The following DIPK1A variants were observed in gnomAD, a reference collection of about 807,000 sequenced individuals.
DIPK1A encodes the protein family with sequence similarity 69 member A.
Under a neutral mutation model 40.8 loss-of-function variants are expected in DIPK1A, and 27 were observed. That is an observed-to-expected ratio of 0.66 (90% CI 0.49 to 0.91). DIPK1A has a LOEUF of 0.91. DIPK1A is among the 40% of genes least tolerant of loss of function. The pLI is 0.00. For missense variants in DIPK1A, 412 were observed against 505.7 expected, an observed-to-expected ratio of 0.81 and a Z score of 1.78; for synonymous variants, 166 against 171.3, an observed-to-expected ratio of 0.97 and a Z score of 0.24.
downstream of DIPK1A, chr1:92,837,409 A>G: frequency 6.6e-7 from 1 of 1,521,850 alleles, no homozygotes; most frequent in South Asian, 1.1e-5. Flanking sequence ...TTACTAGTAA[A>G]CTAAGTTAAG....
At chr1:92,833,837 A>T (rs80136914) in intron 4 of DIPK1A, 1 of 615,516 alleles carries the variant, frequency 1.6e-6, no homozygotes. Context: ...ACTTTAAAAA[A>T]TGCTCTTGGT....
intron 2 of DIPK1A, among the ~76,000 whole-genome samples, chr1:92,851,552 A>AAAAAAC (rs1687822909): frequency 1.1e-5 from 1 of 94,828 alleles, no homozygotes; most frequent in Non-Finnish European, 2.3e-5. Flanking sequence ...CAAAAAAAAA[A>AAAAAAC]AAAAAAAAAA....
intron 1 of DIPK1A, among the ~76,000 whole-genome samples, chr1:92,953,500 A>C (rs1651723550): frequency 6.6e-6 from 1 of 152,262 alleles, no homozygotes; most frequent in African/African-American, 2.4e-5. Flanking sequence ...AGGTAGAGGC[A>C]ACCTAAATGT....
intron 1 of DIPK1A, among the ~76,000 whole-genome samples, chr1:92,882,763 T>C (rs1250154853): frequency 6.6e-6 from 1 of 152,064 alleles, no homozygotes; most frequent in Non-Finnish European, 1.5e-5. Context: ...TCAACTTCTG[T>C]AAGGAAAAAA....
At chr1:92,849,355 T>G (rs57555498) in intron 3 of DIPK1A, among the ~76,000 whole-genome samples, 35,179 of 150,750 alleles carry the variant, frequency 0.23, 4,375 homozygotes, top group Middle Eastern at 0.28. Flanking sequence ...TTTGTTTTTT[T>G]TTTTTTTTTT....
intron 1 of DIPK1A, among the ~76,000 whole-genome samples, chr1:92,949,584 C>A (rs984273854): frequency 3.9e-5 from 6 of 152,106 alleles, no homozygotes; most frequent in African/African-American, 1.2e-4. Flanking sequence ...GCAATAATTT[C>A]TTTCAGTACT....
downstream of DIPK1A, among the ~76,000 whole-genome samples, chr1:92,839,738 T>A (rs900417145): frequency 6.6e-6 from 1 of 152,228 alleles, no homozygotes. Flanking sequence ...GTATTTAAAA[T>A]GAGAAGCGCA....
At chr1:92,953,497 G>A (rs575322066) in intron 1 of DIPK1A, among the ~76,000 whole-genome samples, 2 of 152,260 alleles carry the variant, frequency 1.3e-5, no homozygotes, top group South Asian at 4.1e-4. Context: ...AAGAGGTAGA[G>A]GCAACCTAAA....
At chr1:92,943,797 A>C (rs574477801) in intron 1 of DIPK1A, among the ~76,000 whole-genome samples, 1 of 152,316 alleles carries the variant, frequency 6.6e-6, no homozygotes, top group African/African-American at 2.4e-5. Context: ...CTAACTTTTA[A>C]AACAGCAGAG....
At chr1:92,903,544 A>G (rs1571110105) in intron 1 of DIPK1A, among the ~76,000 whole-genome samples, 1 of 152,206 alleles carries the variant, frequency 6.6e-6, no homozygotes. Context: ...CCTGTGAGGC[A>G]CTGATAAGAG....
chr1:92,911,487 A>G (rs1006947328), intron 1 of DIPK1A, among the ~76,000 whole-genome samples: 6 of 152,220 alleles, frequency 3.9e-5, no homozygotes, highest in African/African-American at 1.2e-4. Context: ...AGACTAAGAC[A>G]TTACATGTAT....
At position 92,913,393 on chromosome 1, in the gene DIPK1A, A is replaced by G. The variant is rs1307806562; in HGVS notation, c.55-36963T>C. Among the ~76,000 whole-genome samples, 4 of 152,156 alleles carry G rather than the reference A, an allele frequency of 2.6e-5. No homozygotes were observed. In the East Asian group the frequency reaches 5.8e-4, roughly 22 times the overall value. ...ATGATGTGAAAAAAAAAAGGGGAAAATACTGGTCTATTCATTTGTGTACCT... is the reference window on the plus strand; with the variant it reads ...ATGATGTGAAAAAAAAAAGGGGAAAGTACTGGTCTATTCATTTGTGTACCT... On this transcript the variant is annotated intron_variant, in intron 1 of 4. Coordinates refer to ENST00000370310, the MANE Select transcript of DIPK1A (RefSeq NM_001006605.5).
chr1:92,896,292 G>A (rs2100812733), intron 1 of DIPK1A, among the ~76,000 whole-genome samples: 1 of 152,264 alleles, frequency 6.6e-6, no homozygotes, highest in East Asian at 1.9e-4. Context: ...GCATGGTACT[G>A]GTACCAAAAC....
At chr1:92,870,068 TTATA>T (rs367803576) in intron 2 of DIPK1A, among the ~76,000 whole-genome samples, 65 of 116,904 alleles carry the variant, frequency 5.6e-4, no homozygotes, top group East Asian at 1.0e-3. Flanking sequence ...CTTACATGAA[TTATA>T]TATACACACA....
At chr1:92,861,018 C>A (rs1052532745) in intron 2 of DIPK1A, among the ~76,000 whole-genome samples, 2 of 152,042 alleles carry the variant, frequency 1.3e-5, no homozygotes, top group Admixed American at 1.3e-4. Context: ...AGTTCCTTCT[C>A]TCCCTCCTTC....
Position 92,843,763 on chromosome 1 carries a change from T to A in DIPK1A, c.907A>T (p.Asn303Tyr). ...ACCATTTTCAAATCATACTTATCAT[T>A]ATATCCTAGGTTTTTGGCACTAGTA... is the stretch of plus-strand genomic sequence containing the variant. ...CDTSAKNLGY[N>Y]DKYDLKMVDM... The change falls in exon 5 of 5, where the codon AAT becomes TAT. Residue 303 changes from asparagine (N) to tyrosine (Y), a missense_variant. Coordinates refer to ENST00000370310, the MANE Select transcript of DIPK1A (RefSeq NM_001006605.5). 2 of 1,551,834 alleles carry A rather than the reference T, an allele frequency of 1.3e-6. No individual in the cohort carries two copies. The highest frequency in any genetic ancestry group is 1.7e-6 in the Non-Finnish European group (2 of 1,146,992).
rs1687489804 is a variant in DIPK1A, at chr1:92,843,984, T to C, written c.686A>G (p.Glu229Gly). 2.6e-6 allele frequency: 4 copies of C among 1,552,092 alleles called. No homozygotes were observed. Among genetic ancestry groups the C allele is most frequent in the East Asian group, 2.4e-5 (1 of 40,920 alleles). The change falls in exon 5 of 5, where the codon GAA becomes GGA. Residue 229 changes from glutamate to glycine, a missense_variant. Physicochemically the swap from Glu to Gly is moderately conservative, Grantham distance 98. Transcript: ENST00000370310. Reference protein sequence around the residue: ...MGFCGDLYVMESVEYTSLYGI... With the variant: ...MGFCGDLYVMGSVEYTSLYGI... ...ATAAAGAGAGGTATATTCAACACTT[T>C]CCATCACATAGAGGTCACCACAGAA...
downstream of DIPK1A, chr1:92,841,749 A>G (rs774939950): frequency 6.4e-7 from 1 of 1,554,714 alleles, no homozygotes; most frequent in South Asian, 1.1e-5. Context: ...AAAAATATAT[A>G]TTCCTATCTT....
In DIPK1A at chr1:92,897,405, A is replaced by T. The variant is rs551215126; in HGVS notation, c.55-20975T>A. 7.9e-5 allele frequency among the ~76,000 whole-genome samples: 12 copies of T among 152,272 alleles called. No individual in the cohort carries two copies. The East Asian group carries it at 2.1e-3, about 27-fold the overall frequency. On this transcript the variant is annotated intron_variant, in intron 1 of 4. Coordinates refer to ENST00000370310, the MANE Select transcript of DIPK1A (RefSeq NM_001006605.5). ...TCATTCTCAGCAAACTATCGCAAGG[A>T]CAAAAAAAACAAACACCGCATGTTC...
Sources: allele counts gnomAD v4.1 joint callset (sites outside exome capture counted in the v4.1 genomes callset), GRCh38; gene constraint gnomAD v4.1.1; transcripts MANE v1.5; gene names NCBI Gene and HGNC (gene_info 2026-07-23, HGNC 2026-07-21).